The following ROS1 variants were observed in gnomAD, a reference collection of about 807,000 sequenced individuals.
ROS1 encodes the protein proto-oncogene tyrosine-protein kinase ROS.
In ROS1, 263 loss-of-function variants were observed where a neutral mutation model predicts 273.5. The observed-to-expected ratio is 0.96, with a 90% CI of 0.87 to 1.06. The LOEUF is 1.06. ROS1 is among the 50% of genes least tolerant of loss of function. ROS1 has a pLI of 0.00. For missense variants in ROS1, 2,833 were observed against 2,751.1 expected, an observed-to-expected ratio of 1.03 and a Z score of -0.67; for synonymous variants, 1,008 against 954.1, an observed-to-expected ratio of 1.06 and a Z score of -1.04.
chr6:117,369,552 A>G (rs1780574533), intron 18 of ROS1, among the ~76,000 whole-genome samples: 1 of 152,014 alleles, frequency 6.6e-6, no homozygotes, highest in African/African-American at 2.4e-5. Flanking sequence ...AGCCTGGGCG[A>G]CAGAGCGAGA....
At chr6:117,403,435 A>G (rs1774121307) in intron 6 of ROS1, among the ~76,000 whole-genome samples, 158 bp from the exon 7 acceptor site, 1 of 152,270 alleles carries the variant, frequency 6.6e-6, no homozygotes, top group Admixed American at 6.5e-5. Flanking sequence ...ATCAGCGTGC[A>G]GAATTCACTC....
rs10700318 is a variant in ROS1, at chr6:117,300,086, C to CTTTTTTTTTTTTTTTTTTTTTT, written c.6715+866_6715+887dup. Among the ~76,000 whole-genome samples, 8 of 31,836 alleles carry CTTTTTTTTTTTTTTTTTTTTTT rather than the reference C, an allele frequency of 2.5e-4. 1 individual carries two copies. Among genetic ancestry groups the CTTTTTTTTTTTTTTTTTTTTTT allele is most frequent in the Non-Finnish European group, 3.7e-4 (7 of 18,802 alleles). The allele number at this position is 31,836 out of a possible 152,430, so 20.9% of individuals were successfully genotyped here. A position where few individuals can be genotyped will look rare whatever the true frequency, so the allele number is the denominator to read the frequency against. ...TACAGGCGCCCGCCACCAGGACAGG[C>CTTTTTTTTTTTTTTTTTTTTTT]TTTTTTTTTTTTTTTTTTTTTTTTT... On this transcript the variant is annotated intron_variant, in intron 43 of 43. Transcript: ENST00000368507.
intron 33 of ROS1, among the ~76,000 whole-genome samples, chr6:117,327,865 T>A (rs1043221571): frequency 6.6e-6 from 1 of 152,072 alleles, no homozygotes; most frequent in African/African-American, 2.4e-5. Flanking sequence ...GAGAACACCT[T>A]GTGATGCAGG....
In ROS1 at chr6:117,342,533, G is replaced by A; in HGVS notation, c.4518C>T (p.Asp1506=). Residue 1506 remains aspartate (D), a synonymous_variant, in exon 29 of 44, where the codon GAC becomes GAT. Coordinates refer to ENST00000368507, the MANE Select transcript of ROS1 (RefSeq NM_001378902.1). The part of the protein sequence containing the change: ...DLKYRILEFQ[D]SIALIEDLQP... ...GTAAATCTTCAATAAGAGCTATACT[G>A]TCCTGAAATTCCTGTAATTGATTTT... 1 of 1,492,598 alleles carries A rather than the reference G, an allele frequency of 6.7e-7. No homozygotes were observed. Among genetic ancestry groups the A allele is most frequent in the Non-Finnish European group, 9.0e-7 (1 of 1,114,782 alleles). The allele number at this position is 1,492,598 out of a possible 1,614,324, so 92.5% of individuals were successfully genotyped here.
At chr6:117,294,033 A>G (rs1469656969) in intron 43 of ROS1, among the ~76,000 whole-genome samples, 1 of 152,068 alleles carries the variant, frequency 6.6e-6, no homozygotes, top group African/African-American at 2.4e-5. Flanking sequence ...GATACATTAC[A>G]TCAACAGACT....
chr6:117,388,180 C>A, intron 13 of ROS1, 188 bp from the exon 14 acceptor site: 2 of 867,272 alleles, frequency 2.3e-6, no homozygotes, highest in Non-Finnish European at 3.5e-6. Flanking sequence ...TTCCTCATGC[C>A]GCTCATTTGG....
intron 43 of ROS1, 87 bp from the exon 44 acceptor site, chr6:117,288,889 A>G: frequency 9.6e-7 from 1 of 1,041,328 alleles, no homozygotes; most frequent in Non-Finnish European, 1.4e-6. Context: ...TTATAGCAAC[A>G]CCAACTTTAC....
At position 117,320,045 on chromosome 6, in the gene ROS1, C is replaced by T. The variant is rs767070513; in HGVS notation, c.5760-15G>A. The T allele has an allele frequency of 6.2e-7, 1 of 1,611,572 alleles. No individual in the cohort carries two copies. Among genetic ancestry groups the T allele is most frequent in the Non-Finnish European group, 8.5e-7 (1 of 1,178,588 alleles). ...TTGGAAGAGTACTGTAAAATAGCAA[C>T]ATTTTTGTCTCCCCACCCTCCACAT... On this transcript the variant is annotated splice_polypyrimidine_tract_variant and intron_variant, in intron 36 of 43. Coordinates refer to ENST00000368507, the MANE Select transcript of ROS1 (RefSeq NM_001378902.1).
Position 117,341,121 on chromosome 6 carries a change from C to A in ROS1, c.5061+14G>T. On this transcript the variant is annotated intron_variant, in intron 31 of 43. Transcript: ENST00000368507. ...TTCTATATCATAAAATAAAGACTTG[C>A]ATTAAAAGTCTACCTTCTGTAGCTC... 2 of 1,556,504 alleles carry A rather than the reference C, an allele frequency of 1.3e-6. No individual in the cohort carries two copies. Among genetic ancestry groups the A allele is most frequent in the Non-Finnish European group, 1.8e-6 (2 of 1,141,500 alleles).
intron 42 of ROS1, among the ~76,000 whole-genome samples, chr6:117,306,814 T>C (rs760118364): frequency 6.6e-6 from 1 of 152,140 alleles, no homozygotes; most frequent in Non-Finnish European, 1.5e-5. Context: ...TGAATGGTAT[T>C]GCTGAGATCT....
intron 22 of ROS1, among the ~76,000 whole-genome samples, chr6:117,361,943 T>A (rs966712471): frequency 2.0e-5 from 3 of 152,040 alleles, no homozygotes; most frequent in Non-Finnish European, 4.4e-5. Context: ...AATACAAAAA[T>A]ACCTACAGTG....
intron 32 of ROS1, among the ~76,000 whole-genome samples, chr6:117,330,892 A>G (rs1198821213): frequency 1.3e-5 from 2 of 152,088 alleles, no homozygotes; most frequent in African/African-American, 2.4e-5. Context: ...GAAAGAACCA[A>G]TGAAAAAAAT....
At chr6:117,290,164 TA>T (rs1243231150) in intron 43 of ROS1, among the ~76,000 whole-genome samples, 1 of 152,198 alleles carries the variant, frequency 6.6e-6, no homozygotes, top group Non-Finnish European at 1.5e-5. Context: ...AACTTCCTAC[TA>T]AAACATGATT....
chr6:117,293,296 T>C (rs779901792), intron 43 of ROS1, among the ~76,000 whole-genome samples: 9 of 152,206 alleles, frequency 5.9e-5, no homozygotes, highest in Non-Finnish European at 1.3e-4. Context: ...CACCAAATCC[T>C]TAAAAATAAG....
chr6:117,339,793 CTCTG>C (rs1184524751), intron 31 of ROS1, among the ~76,000 whole-genome samples: 10 of 152,134 alleles, frequency 6.6e-5, no homozygotes, highest in Non-Finnish European at 1.3e-4. Flanking sequence ...ACCAGGAGAT[CTCTG>C]TCTGCTGTCC....
At chr6:117,329,158 G>C (rs747591914) in intron 33 of ROS1, among the ~76,000 whole-genome samples, 171 bp downstream of exon 33, 6 of 152,210 alleles carry the variant, frequency 3.9e-5, no homozygotes, top group Non-Finnish European at 8.8e-5. Context: ...AGCATGCCAA[G>C]ACCAACGTCT....
chr6:117,332,579 T>C (rs578176969), intron 32 of ROS1, among the ~76,000 whole-genome samples: 2 of 152,164 alleles, frequency 1.3e-5, no homozygotes, highest in African/African-American at 4.8e-5. Context: ...TTCTAAAATC[T>C]ACCACATAAT....
intron 17 of ROS1, 114 bp downstream of exon 17, chr6:117,383,203 A>C (rs1469932358): frequency 2.5e-6 from 2 of 791,812 alleles, no homozygotes; most frequent in Non-Finnish European, 3.8e-6. Flanking sequence ...TCTTACCAAA[A>C]CACTATTTCC....
intron 4 of ROS1, 22 bp downstream of exon 4, chr6:117,414,496 CT>C (rs768817652): frequency 1.2e-5 from 9 of 742,796 alleles, no homozygotes; most frequent in East Asian, 2.5e-5. Flanking sequence ...TTGATTACAT[CT>C]TTTTTGTGAT....
Sources: allele counts gnomAD v4.1 joint callset (sites outside exome capture counted in the v4.1 genomes callset), GRCh38; gene constraint gnomAD v4.1.1; transcripts MANE v1.5; gene names NCBI Gene and HGNC (gene_info 2026-07-23, HGNC 2026-07-21).